MDGA2: variants seen among roughly 807,000 people sequenced by gnomAD.
The protein encoded by MDGA2 is MAM domain containing glycosylphosphatidylinositol anchor 2.
In MDGA2, 40 loss-of-function variants were observed where a neutral mutation model predicts 117.8. That is an observed-to-expected ratio of 0.34 (90% CI 0.26 to 0.44). The LOEUF is 0.44. Ranked by LOEUF, MDGA2 falls within the 20% of genes least tolerant of loss-of-function variation. MDGA2 has a pLI of 1.00. For synonymous variants in MDGA2, 452 were observed against 439.0 expected (o/e 1.03, Z -0.37); for missense variants, 1,123 against 1,250.6 (o/e 0.90, Z 1.54).
intron 6 of MDGA2, among the ~76,000 whole-genome samples, chr14:47,095,267 G>C (rs1879894939): frequency 6.6e-6 from 1 of 151,906 alleles, no homozygotes; most frequent in Non-Finnish European, 1.5e-5. Context: ...GTTGCTATTA[G>C]TAATCATGAC....
At chr14:47,085,499 C>T (rs1207482994) in intron 6 of MDGA2, among the ~76,000 whole-genome samples, 1 of 152,130 alleles carries the variant, frequency 6.6e-6, no homozygotes, top group Non-Finnish European at 1.5e-5. Flanking sequence ...TGGTTGGAAC[C>T]ACTTCATTCT....
rs1248209951 is a variant in MDGA2 at position 47,161,074 on chromosome 14, T to C, written c.596-16800A>G. Among the ~76,000 whole-genome samples, 4 of 152,278 alleles carry C rather than the reference T, an allele frequency of 2.6e-5. No homozygotes were observed. In the South Asian group the frequency reaches 8.3e-4, roughly 32 times the overall value. On this transcript the variant is annotated intron_variant, in intron 3 of 16. Transcript: ENST00000399232. ...ATTACAAGAGGTTTGTCATTTTTAT[T>C]TTTCTTTTAAAATAACCAGATTTGC...
At chr14:47,498,930 T>G (rs1201571875) in intron 1 of MDGA2, among the ~76,000 whole-genome samples, 1 of 152,158 alleles carries the variant, frequency 6.6e-6, no homozygotes, top group Admixed American at 6.5e-5. Context: ...CCATTTATAA[T>G]TTATGAAACT....
intron 3 of MDGA2, among the ~76,000 whole-genome samples, chr14:47,198,605 AC>A (rs1222736336): frequency 1.3e-5 from 2 of 152,208 alleles, no homozygotes; most frequent in Non-Finnish European, 2.9e-5. Context: ...TAGGATGAGT[AC>A]TAGCTATAAA....
At position 47,443,050 on chromosome 14, in the gene MDGA2, C is replaced by T. The variant is rs775803244; in HGVS notation, c.281-141500G>A. The stretch of plus-strand genomic sequence containing the variant: ...TGGCCGCAATGTGCAAAAATAGTGA[C>T]GCTAGCAATTAAGATATGCCATAAA... On this transcript the variant is annotated intron_variant, in intron 1 of 16. Transcript: ENST00000399232. Among the ~76,000 whole-genome samples the T allele has an allele frequency of 7.2e-5, 11 of 152,126 alleles. No homozygotes were observed. The East Asian group carries it at 7.8e-4, about 11-fold the overall frequency.
At chr14:47,111,532 A>C (rs1881034539) in intron 5 of MDGA2, among the ~76,000 whole-genome samples, 1 of 152,192 alleles carries the variant, frequency 6.6e-6, no homozygotes, top group Admixed American at 6.5e-5. Flanking sequence ...GGATTTGTGA[A>C]CCACATAAGT....
At chr14:47,504,988 T>A (rs1299554650) in intron 1 of MDGA2, among the ~76,000 whole-genome samples, 1 of 152,172 alleles carries the variant, frequency 6.6e-6, no homozygotes, top group Non-Finnish European at 1.5e-5. Flanking sequence ...ATGTGCTGTA[T>A]ACACAATGGA....
chr14:46,868,798 T>C (rs1881879995), intron 14 of MDGA2, among the ~76,000 whole-genome samples: 1 of 152,044 alleles, frequency 6.6e-6, no homozygotes, highest in South Asian at 2.1e-4. Flanking sequence ...CTCCTAAAGC[T>C]ATCTCCTCTT....
chr14:47,526,213 T>C (rs1351896257), intron 1 of MDGA2, among the ~76,000 whole-genome samples: 5 of 152,202 alleles, frequency 3.3e-5, no homozygotes, highest in Non-Finnish European at 7.3e-5. Context: ...CTATTAAATA[T>C]GTTTTTTTCA....
At chr14:47,259,529 C>A (rs1887727968) in intron 2 of MDGA2, among the ~76,000 whole-genome samples, 1 of 151,976 alleles carries the variant, frequency 6.6e-6, no homozygotes, top group Non-Finnish European at 1.5e-5. Context: ...GGTAAAGAAA[C>A]CTGTTTGGCT....
At chr14:47,080,881 G>C (rs1277268468) in intron 6 of MDGA2, among the ~76,000 whole-genome samples, 1 of 152,082 alleles carries the variant, frequency 6.6e-6, no homozygotes, top group African/African-American at 2.4e-5. Context: ...AAGTGCTCAA[G>C]TCTCTGTTAT....
chr14:47,104,891 C>T (rs956622277), intron 5 of MDGA2, among the ~76,000 whole-genome samples: 4 of 152,018 alleles, frequency 2.6e-5, no homozygotes, highest in African/African-American at 9.7e-5. Context: ...CCTCTTTCTC[C>T]TTTCAATCTT....
intron 8 of MDGA2, among the ~76,000 whole-genome samples, chr14:47,016,364 T>G: frequency 6.6e-6 from 1 of 152,078 alleles, no homozygotes; most frequent in Admixed American, 6.5e-5. Flanking sequence ...TAGTATCAGT[T>G]ATTATATTAC....
At chr14:47,285,369 C>T (rs1398573437) in intron 2 of MDGA2, among the ~76,000 whole-genome samples, 2 of 152,008 alleles carry the variant, frequency 1.3e-5, no homozygotes, top group Non-Finnish European at 2.9e-5. Flanking sequence ...CTTTCATCAT[C>T]TCTGTATTAT....
chr14:47,645,456 C>T (rs1404675254), intron 1 of MDGA2, among the ~76,000 whole-genome samples: 2 of 151,354 alleles, frequency 1.3e-5, no homozygotes, highest in Non-Finnish European at 2.9e-5. Context: ...GGATGGTCTC[C>T]ATCTCCTGAC....
intron 2 of MDGA2, among the ~76,000 whole-genome samples, chr14:47,294,971 T>C (rs1288705202): frequency 6.6e-6 from 1 of 152,202 alleles, no homozygotes; most frequent in Non-Finnish European, 1.5e-5. Flanking sequence ...TGAATACAAT[T>C]CTATTATAAA....
chr14:46,930,393 A>G (rs376677156), intron 9 of MDGA2, among the ~76,000 whole-genome samples: 1 of 152,102 alleles, frequency 6.6e-6, no homozygotes, highest in Non-Finnish European at 1.5e-5. Flanking sequence ...TATTCTATGC[A>G]TTATTCTTTC....
intron 10 of MDGA2, among the ~76,000 whole-genome samples, chr14:46,918,599 C>T (rs781770093): frequency 6.6e-6 from 1 of 152,084 alleles, no homozygotes; most frequent in Non-Finnish European, 1.5e-5. Context: ...CAGAGAAACA[C>T]TGTGAATGAT....
chr14:47,549,343 A>ATCTCTCTCTATCTCTCTCTCTCTCTC (rs1895532146), intron 1 of MDGA2, among the ~76,000 whole-genome samples: 5 of 140,110 alleles, frequency 3.6e-5, no homozygotes, highest in African/African-American at 1.3e-4. Flanking sequence ...CACCAGTATT[A>ATCTCTCTCTATCTCTCTCTCTCTCTC]TCTCTCTCTC....
Sources: allele counts gnomAD v4.1 joint callset (sites outside exome capture counted in the v4.1 genomes callset), GRCh38; gene constraint gnomAD v4.1.1; transcripts MANE v1.5; gene names NCBI Gene and HGNC (gene_info 2026-07-23, HGNC 2026-07-21).